MCOLN3: variants seen among roughly 807,000 people sequenced by gnomAD.
MCOLN3 encodes mucolipin-3.
A neutral mutation model predicts 69.4 loss-of-function variants in MCOLN3; 62 were observed. The ratio of observed to expected loss-of-function variants is 0.89; its 90% CI spans 0.73 to 1.10. MCOLN3 has a LOEUF of 1.10. MCOLN3 is among the 50% of genes least tolerant of loss of function. The pLI is 0.00. For synonymous variants in MCOLN3, 183 were observed against 217.0 expected (o/e 0.84, Z 1.38); for missense variants, 564 against 656.4 (o/e 0.86, Z 1.54).
intron 9 of MCOLN3, chr1:85,025,533 T>C (rs1652170552): frequency 6.0e-6 from 1 of 166,614 alleles, no homozygotes; most frequent in Non-Finnish European, 1.3e-5. Context: ...TTGACCTCAC[T>C]TTCCCCTATA....
At chr1:85,046,517 A>G (rs186419459) in intron 1 of MCOLN3, among the ~76,000 whole-genome samples, 10 of 152,324 alleles carry the variant, frequency 6.6e-5, no homozygotes, top group Non-Finnish European at 1.3e-4. Flanking sequence ...ACGGAATAGA[A>G]AGGCAGGCTT....
Position 85,045,374 on chromosome 1 carries a change from AAACAAC to A in MCOLN3, c.-2-18_-2-13del, listed in dbSNP as rs199625574. On this transcript the variant is annotated splice_polypyrimidine_tract_variant and intron_variant, in intron 1 of 12. Transcript: ENST00000370589. ...AGGATCTGCCATCTCTAGAGGAAAA[AAACAAC>A]AACAACAACAACCAACATTTCCATT... is the stretch of plus-strand genomic sequence containing the variant. 11 of 1,576,028 alleles carry A rather than the reference AAACAAC, an allele frequency of 7.0e-6. No homozygotes were observed. Among genetic ancestry groups the A allele is most frequent in the Non-Finnish European group, 9.5e-6 (11 of 1,152,964 alleles).
At chr1:85,027,253 G>A (rs759258770) in intron 7 of MCOLN3, among the ~76,000 whole-genome samples, 4 of 152,194 alleles carry the variant, frequency 2.6e-5, no homozygotes, top group South Asian at 2.1e-4. Flanking sequence ...ATAGGAGTAA[G>A]TAATAGAAAG....
intron 3 of MCOLN3, among the ~76,000 whole-genome samples, chr1:85,040,686 G>A (rs1460442405): frequency 5.9e-5 from 9 of 152,016 alleles, no homozygotes; most frequent in African/African-American, 2.2e-4. Context: ...CAGCTCTGAG[G>A]ACTTAATGAC....
intron 3 of MCOLN3, among the ~76,000 whole-genome samples, chr1:85,034,501 TA>T (rs1652715787): frequency 6.6e-6 from 1 of 152,342 alleles, no homozygotes; most frequent in South Asian, 2.1e-4. Flanking sequence ...TCTGTAAAAT[TA>T]AAGTCTGAAG....
intron 12 of MCOLN3, 138 bp from the exon 13 acceptor site, chr1:85,019,395 G>A: frequency 1.3e-6 from 1 of 796,604 alleles, no homozygotes; most frequent in Non-Finnish European, 2.0e-6. Context: ...ACCTGCAAAG[G>A]AGATGTAGCC....
intron 7 of MCOLN3, among the ~76,000 whole-genome samples, chr1:85,027,803 C>T (rs1026253496): frequency 2.0e-5 from 3 of 152,112 alleles, no homozygotes; most frequent in Non-Finnish European, 2.9e-5. Context: ...ATCGAAAGTG[C>T]GAAGTCCTGG....
chr1:85,046,205 C>T (rs190194006), intron 1 of MCOLN3, among the ~76,000 whole-genome samples: 39 of 152,114 alleles, frequency 2.6e-4, no homozygotes, highest in African/African-American at 8.9e-4. Context: ...AAAATGGGCC[C>T]TCAATTTAAG....
At chr1:85,043,588 G>T (rs1653186597) in intron 2 of MCOLN3, among the ~76,000 whole-genome samples, 1 of 151,612 alleles carries the variant, frequency 6.6e-6, no homozygotes, top group Non-Finnish European at 1.5e-5. Flanking sequence ...CTGGTATACA[G>T]CAAACACTCA....
intron 3 of MCOLN3, among the ~76,000 whole-genome samples, chr1:85,038,615 C>G (rs1652911363): frequency 6.6e-6 from 1 of 152,092 alleles, no homozygotes. Context: ...TTTGTCAGTT[C>G]CTCTCAGTAA....
intron 9 of MCOLN3, chr1:85,023,364 A>G (rs1162114525): frequency 1.3e-5 from 2 of 152,256 alleles, no homozygotes; most frequent in African/African-American, 4.8e-5. Flanking sequence ...TATATGAGTC[A>G]CAGTGCCTGG....
At chr1:85,047,003 T>G (rs534822897) in intron 1 of MCOLN3, among the ~76,000 whole-genome samples, 1 of 152,290 alleles carries the variant, frequency 6.6e-6, no homozygotes, top group South Asian at 2.1e-4. Context: ...AGGCAGGATA[T>G]TTTAACCAGC....
chr1:85,033,388 C>G (rs776559096), intron 4 of MCOLN3, among the ~76,000 whole-genome samples: 3 of 151,882 alleles, frequency 2.0e-5, no homozygotes, highest in Non-Finnish European at 2.9e-5. Flanking sequence ...AATAGACATC[C>G]CACACACACA....
At chr1:85,022,677 C>T (rs1652005222) in intron 9 of MCOLN3, 1 of 239,162 alleles carries the variant, frequency 4.2e-6, no homozygotes, top group South Asian at 7.6e-5. Flanking sequence ...TGTCATTTTA[C>T]ATACACTAAA....
At chr1:85,041,233 G>T in intron 2 of MCOLN3, 56 bp from the exon 3 acceptor site, 1 of 1,468,274 alleles carries the variant, frequency 6.8e-7, no homozygotes, top group East Asian at 2.3e-5. Flanking sequence ...AGAAAAAGCA[G>T]AGCAGAAGGT....
chr1:85,020,982 C>A lies in MCOLN3; in HGVS notation c.1527+88G>T, dbSNP rs1222908002. 3.2e-6 allele frequency: 3 copies of A among 935,848 alleles called. No homozygotes were observed. The African/African-American group carries it at 5.1e-5, about 16-fold the overall frequency. The allele number at this position is 935,848 out of a possible 1,614,324, so 58.0% of individuals were successfully genotyped here. On this transcript the variant is annotated intron_variant, in intron 12 of 12. Transcript: ENST00000370589. ...CCTGAAGAAATTAACATTCCATCAA[C>A]TTTTCTTCTACCATTAGGTACTGAA...
At chr1:85,027,368 T>C (rs754732935) in intron 7 of MCOLN3, among the ~76,000 whole-genome samples, 1 of 152,212 alleles carries the variant, frequency 6.6e-6, no homozygotes, top group Non-Finnish European at 1.5e-5. Flanking sequence ...GCAACTCCAA[T>C]GAGGTAAGCA....
chr1:85,045,112 C>T, intron 2 of MCOLN3, 21 bp downstream of exon 2: 1 of 1,585,572 alleles, frequency 6.3e-7, no homozygotes, highest in East Asian at 2.2e-5. Context: ...TTTCACCAAA[C>T]TCATGATCTG....
intron 7 of MCOLN3, among the ~76,000 whole-genome samples, chr1:85,027,892 T>A (rs959152833): frequency 3.3e-5 from 5 of 152,180 alleles, no homozygotes; most frequent in African/African-American, 1.2e-4. Flanking sequence ...TGTCTCTATT[T>A]AACAAGTTAG....
Sources: gnomAD v4.1 joint callset for allele counts (sites outside exome capture counted in the v4.1 genomes callset) on GRCh38, gnomAD v4.1.1 for gene constraint, MANE v1.5 for transcripts, NCBI Gene and HGNC (gene_info 2026-07-23, HGNC 2026-07-21) for gene names.